SOX6: variants seen among roughly 807,000 people sequenced by gnomAD.
SOX6 encodes the protein transcription factor SOX-6.
A neutral mutation model predicts 97.8 loss-of-function variants in SOX6; 11 were observed. The ratio of observed to expected loss-of-function variants is 0.11; its 90% confidence interval spans 0.07 to 0.19. The LOEUF (loss-of-function observed/expected upper bound fraction) is 0.19, where lower values mean the gene tolerates loss of function less well. SOX6 is among the 10% of genes least tolerant of loss of function. The pLI, the probability that SOX6 is intolerant of heterozygous loss-of-function variation, is 1.00. For missense variants in SOX6, 810 were observed against 1,039.5 expected (o/e 0.78, Z 3.04); for synonymous variants, 360 against 371.4 (o/e 0.97, Z 0.35).
chr11:16,053,035 C>T (rs928476079), intron 10 of SOX6, among the ~76,000 whole-genome samples: 1 of 152,182 alleles, frequency 6.6e-6, no homozygotes, highest in East Asian at 1.9e-4. Context: ...CTTCAGCATT[C>T]GTTCTCCATG....
intron 1 of SOX6, among the ~76,000 whole-genome samples, chr11:16,432,615 G>T (rs980959814): frequency 3.3e-5 from 5 of 151,920 alleles, no homozygotes; most frequent in Non-Finnish European, 7.4e-5. Context: ...TCTAGACAGT[G>T]GGTCTCAATA....
intron 3 of SOX6, among the ~76,000 whole-genome samples, chr11:16,266,682 T>C (rs1854091879): frequency 6.6e-6 from 1 of 151,648 alleles, no homozygotes; most frequent in Non-Finnish European, 1.5e-5. Context: ...TTTATTGTAC[T>C]ATAGTGTAAA....
chr11:16,179,363 C>T (rs1184854551), intron 6 of SOX6, among the ~76,000 whole-genome samples: 1 of 151,710 alleles, frequency 6.6e-6, no homozygotes, highest in Non-Finnish European at 1.5e-5. Flanking sequence ...AAATAGCACA[C>T]AGGAATATAT....
Position 16,300,559 on chromosome 11 carries a change from T to C in SOX6, c.445+17887A>G, listed in dbSNP as rs1451402584. Among the ~76,000 whole-genome samples the C allele has an allele frequency of 3.9e-5, 6 of 152,164 alleles. No homozygotes were observed. The East Asian group carries it at 1.2e-3, about 29-fold the overall frequency. Reference sequence around the variant, plus strand: ...TTTTACAAGTGAGGTGACTATTCAGTCTAATGCAATCCTCTCAGTGCTGGA... The same window carrying C: ...TTTTACAAGTGAGGTGACTATTCAGCCTAATGCAATCCTCTCAGTGCTGGA... On this transcript the variant is annotated intron_variant, in intron 3 of 15. Transcript: ENST00000683767. The surrounding 1 kb of genome is among the most constrained non-coding windows in gnomAD (Gnocchi z 4.1).
chr11:16,351,652 T>A (rs1436192234), intron 1 of SOX6, among the ~76,000 whole-genome samples: 1 of 152,130 alleles, frequency 6.6e-6, no homozygotes, highest in African/African-American at 2.4e-5. Context: ...TGTTGCCTCC[T>A]AGCCTTTGCT....
chr11:16,153,587 T>C (rs769646485), intron 6 of SOX6, among the ~76,000 whole-genome samples: 1 of 152,060 alleles, frequency 6.6e-6, no homozygotes, highest in Non-Finnish European at 1.5e-5. Context: ...ACTGAACACA[T>C]AAGACTGAAA....
chr11:16,360,872 A>G (rs1428476758), upstream of SOX6, among the ~76,000 whole-genome samples: 3 of 151,844 alleles, frequency 2.0e-5, no homozygotes, highest in Non-Finnish European at 4.4e-5. Flanking sequence ...GCATGGTGGC[A>G]GGCACCTGTA....
chr11:16,020,026 G>T (rs1424989011), intron 12 of SOX6, among the ~76,000 whole-genome samples: 2 of 152,004 alleles, frequency 1.3e-5, no homozygotes, highest in Non-Finnish European at 2.9e-5. Flanking sequence ...ATTTCCATTT[G>T]TGTATTTTGA....
intron 4 of SOX6, among the ~76,000 whole-genome samples, chr11:16,536,223 G>A (rs961594860): frequency 6.6e-6 from 1 of 152,204 alleles, no homozygotes; most frequent in South Asian, 2.1e-4. Flanking sequence ...TCATTCATAT[G>A]CAATAACTTT....
chr11:16,212,364 T>C (rs1310125376), intron 4 of SOX6, among the ~76,000 whole-genome samples: 1 of 152,126 alleles, frequency 6.6e-6, no homozygotes, highest in Non-Finnish European at 1.5e-5. Flanking sequence ...TACATATGAG[T>C]TTATAAGAAA....
intron 4 of SOX6, among the ~76,000 whole-genome samples, chr11:16,512,913 C>T (rs1014529749): frequency 1.3e-5 from 2 of 152,190 alleles, no homozygotes; most frequent in African/African-American, 4.8e-5. Context: ...GGGAATGACT[C>T]TGGGAGTACT....
intron 12 of SOX6, among the ~76,000 whole-genome samples, chr11:16,041,053 T>C (rs1855648800): frequency 6.6e-6 from 1 of 152,106 alleles, no homozygotes; most frequent in South Asian, 2.1e-4. Flanking sequence ...TACAAGTTGT[T>C]GTCTTGAGAA....
intron 2 of SOX6, among the ~76,000 whole-genome samples, chr11:16,735,594 G>A (rs187415292): frequency 6.6e-6 from 1 of 152,274 alleles, no homozygotes; most frequent in African/African-American, 2.4e-5. Context: ...AGTGGAAAGT[G>A]CACTGGCTTT....
chr11:16,327,444 T>C lies in SOX6; in HGVS notation c.238-8791A>G, dbSNP rs547808889. Among the ~76,000 whole-genome samples the C allele has an allele frequency of 2.0e-5, 3 of 152,296 alleles. 1 individual carries two copies. The South Asian group carries it at 6.2e-4, about 32-fold the overall frequency. On this transcript the variant is annotated intron_variant, in intron 2 of 15. Transcript: ENST00000683767. The stretch of plus-strand genomic sequence containing the variant: ...TTGTTCATCTAAGTGGAATAATAAA[T>C]ACTAAACTACATTACTTTCTTCATT...
chr11:16,241,073 C>A (rs191635960), intron 3 of SOX6, among the ~76,000 whole-genome samples: 2 of 152,140 alleles, frequency 1.3e-5, no homozygotes, highest in Admixed American at 1.3e-4. Context: ...TGGTCAACTG[C>A]CAGTTCTCCT....
intron 1 of SOX6, among the ~76,000 whole-genome samples, chr11:16,408,153 C>G (rs1405693348): frequency 6.6e-6 from 1 of 152,092 alleles, no homozygotes; most frequent in Non-Finnish European, 1.5e-5. Flanking sequence ...CTAATAGGTC[C>G]ATAGAAAAAT....
intron 9 of SOX6, among the ~76,000 whole-genome samples, chr11:16,080,089 T>TC (rs1357763366): frequency 8.7e-5 from 13 of 148,836 alleles, no homozygotes; most frequent in Non-Finnish European, 1.8e-4. Flanking sequence ...TAAAGTATAA[T>TC]TAAAAAAAAA....
chr11:16,035,226 A>C (rs1325235915), intron 12 of SOX6, among the ~76,000 whole-genome samples: 1 of 152,214 alleles, frequency 6.6e-6, no homozygotes, highest in Non-Finnish European at 1.5e-5. Context: ...TGGGGGAAGA[A>C]GGTGAAGTCC....
At chr11:16,727,325 A>G (rs1375945027) in intron 2 of SOX6, among the ~76,000 whole-genome samples, 1 of 119,728 alleles carries the variant, frequency 8.4e-6, no homozygotes, top group Admixed American at 1.1e-4. Flanking sequence ...AGACTGCCCC[A>G]TATCAGTACC....
Sources: gnomAD v4.1 joint callset for allele counts (sites outside exome capture counted in the v4.1 genomes callset) on GRCh38, gnomAD v4.1.1 for gene constraint, Gnocchi (gnomAD v3.1) non-coding constraint, MANE v1.5 for transcripts, NCBI Gene and HGNC (gene_info 2026-07-23, HGNC 2026-07-21) for gene names.